Variants in P2RY12 observed in about 807,000 individuals in gnomAD.
P2RY12 encodes purinergic receptor P2Y12, also known as P2Y purinoceptor 12.
P2RY12 carries 3 observed loss-of-function variants against 4.5 expected under a neutral mutation model. The observed-to-expected ratio is 0.67, with a 90% CI of 0.31 to 1.74. The LOEUF is 1.74. Among genes scored for constraint, P2RY12 ranks in the 40% most tolerant of loss-of-function variants. The probability of loss-of-function intolerance (pLI) is 0.09; values close to 1 mark genes in which losing one functional copy is unlikely to be tolerated. For missense variants in P2RY12, 356 were observed against 407.8 expected, an observed-to-expected ratio of 0.87 and a Z score of 1.09; for synonymous variants, 148 against 154.1, an observed-to-expected ratio of 0.96 and a Z score of 0.29.
chr3:151,343,771 A>T (rs966012121), intron 1 of P2RY12, among the ~76,000 whole-genome samples: 15 of 152,024 alleles, frequency 9.9e-5, no homozygotes, highest in African/African-American at 3.6e-4. Context: ...TGTTTATTTT[A>T]CCAAGTCTAC....
At chr3:151,347,971 G>A (rs184455519) in intron 1 of P2RY12, among the ~76,000 whole-genome samples, 6 of 152,270 alleles carry the variant, frequency 3.9e-5, no homozygotes, top group East Asian at 1.9e-4. Flanking sequence ...GATCCTGTGC[G>A]ATGTGAGGAG....
intron 1 of P2RY12, among the ~76,000 whole-genome samples, chr3:151,342,620 T>C (rs1199882317): frequency 1.3e-5 from 2 of 152,220 alleles, no homozygotes; most frequent in Non-Finnish European, 2.9e-5. Flanking sequence ...ATAAGAATTT[T>C]GTTGCCATTT....
chr3:151,384,044 G>A, intron 1 of P2RY12: 1 of 1,587,348 alleles, frequency 6.3e-7, no homozygotes, highest in Non-Finnish European at 8.6e-7. Context: ...GTGTATTTCA[G>A]TTTCACTTTA....
rs1751694149 is a variant in P2RY12, at chr3:151,340,655, C to T, written c.-74G>A. ...TCCAGTAAGTAGTAGTTATTGCAAC[C>T]TGCAGAGTGGCATCTGGTATTTTCC... On this transcript the variant is annotated 5_prime_UTR_variant, in exon 2 of 3. Transcript: ENST00000302632. The T allele has an allele frequency of 6.6e-6, 1 of 152,586 alleles. No homozygotes were observed. The highest frequency in any genetic ancestry group is 1.5e-5 in the Non-Finnish European group (1 of 68,020). The allele number at this position is 152,586 out of a possible 1,614,324, so 9.5% of individuals were successfully genotyped here. A position where few individuals can be genotyped will look rare whatever the true frequency, so the allele number is the denominator to read the frequency against.
chr3:151,337,700 T>G lies in P2RY12; in HGVS notation c.*117A>C, dbSNP rs548138114. On this transcript the variant is annotated 3_prime_UTR_variant, in exon 3 of 3. Coordinates refer to ENST00000302632, the MANE Select transcript of P2RY12 (RefSeq NM_022788.5). ...AATTGCTTTTGTAATCTTCTGTTTCTTTAGAGTCATTATTATTAACTTAGT... is the reference window on the plus strand; with the variant it reads ...AATTGCTTTTGTAATCTTCTGTTTCGTTAGAGTCATTATTATTAACTTAGT... 422 of 1,033,618 alleles carry G rather than the reference T, an allele frequency of 4.1e-4. 1 individual carries two copies. The highest frequency in any genetic ancestry group is 5.8e-4 in the Non-Finnish European group (406 of 701,426). 64.0% of individuals were successfully genotyped at this position (1,033,618 alleles called of 1,614,324 possible). A position where few individuals can be genotyped will look rare whatever the true frequency, so the allele number is the denominator to read the frequency against.
At chr3:151,364,689 AG>A (rs1488241489) in intron 1 of P2RY12, among the ~76,000 whole-genome samples, 1 of 152,200 alleles carries the variant, frequency 6.6e-6, no homozygotes, top group African/African-American at 2.4e-5. Context: ...TGATTTTTAA[AG>A]CATGTAAAAT....
chr3:151,363,929 G>A (rs950642141), intron 1 of P2RY12, among the ~76,000 whole-genome samples: 7 of 152,072 alleles, frequency 4.6e-5, no homozygotes, highest in African/African-American at 1.7e-4. Context: ...TTAGAATAGA[G>A]AGTCTTTGTG....
At chr3:151,350,429 TATTTTATTA>T (rs1447237712) in intron 1 of P2RY12, among the ~76,000 whole-genome samples, 1 of 152,064 alleles carries the variant, frequency 6.6e-6, no homozygotes, top group African/African-American at 2.4e-5. Context: ...TATTAAATAT[TATTTTATTA>T]AAATATTGTA....
At chr3:151,350,958 A>G (rs1577404549) in intron 1 of P2RY12, among the ~76,000 whole-genome samples, 1 of 152,224 alleles carries the variant, frequency 6.6e-6, no homozygotes, top group African/African-American at 2.4e-5. Context: ...TTTTAAATAT[A>G]TAATTAGGTA....
At chr3:151,367,887 A>T in intron 1 of P2RY12, 1 of 1,129,374 alleles carries the variant, frequency 8.9e-7, no homozygotes, top group Non-Finnish European at 1.3e-6. Context: ...GTGGTGTAGT[A>T]TCAAGGTAGA....
chr3:151,365,868 T>C (rs769865448), intron 1 of P2RY12: 1 of 1,610,556 alleles, frequency 6.2e-7, no homozygotes, highest in Non-Finnish European at 8.5e-7. Flanking sequence ...ACATAGCCAA[T>C]TTCTCCTCTG....
At chr3:151,368,359 C>A in intron 1 of P2RY12, 1 of 925,622 alleles carries the variant, frequency 1.1e-6, no homozygotes, top group Non-Finnish European at 1.7e-6. Flanking sequence ...ATTTTTTGGG[C>A]ATGCCCTGGG....
At chr3:151,341,371 G>A (rs1751799679) in intron 1 of P2RY12, among the ~76,000 whole-genome samples, 1 of 151,956 alleles carries the variant, frequency 6.6e-6, no homozygotes, top group Non-Finnish European at 1.5e-5. Context: ...TGTCGTTCAT[G>A]CTTTTCTTGA....
At chr3:151,366,261 T>G (rs1158506053) in intron 1 of P2RY12, among the ~76,000 whole-genome samples, 1 of 152,198 alleles carries the variant, frequency 6.6e-6, no homozygotes, top group Non-Finnish European at 1.5e-5. Flanking sequence ...TAGTTGAGAT[T>G]TCTTCCATAT....
intron 2 of P2RY12, among the ~76,000 whole-genome samples, chr3:151,339,185 A>G (rs1308355099): frequency 1.3e-5 from 2 of 152,140 alleles, no homozygotes; most frequent in Non-Finnish European, 2.9e-5. Context: ...TGGAAGAGAA[A>G]TAATGGGGCT....
intron 1 of P2RY12, among the ~76,000 whole-genome samples, chr3:151,373,446 A>G (rs915272148): frequency 2.6e-5 from 4 of 152,030 alleles, no homozygotes; most frequent in African/African-American, 9.7e-5. Context: ...CTTTGAGGAG[A>G]TACTTCGAGA....
intron 1 of P2RY12, among the ~76,000 whole-genome samples, chr3:151,356,613 T>G (rs930634031): frequency 2.0e-5 from 3 of 152,006 alleles, no homozygotes. Context: ...GAGTTTTGAG[T>G]GTTTCTTCTG....
chr3:151,372,775 ATTTAATTTGCCT>A, intron 1 of P2RY12: 1 of 1,608,668 alleles, frequency 6.2e-7, no homozygotes, highest in South Asian at 1.1e-5. Flanking sequence ...AGGTATTCTA[ATTTAATTTGCCT>A]TTTACTTTGA....
At chr3:151,353,153 T>C (rs924870210) in intron 1 of P2RY12, among the ~76,000 whole-genome samples, 1 of 152,174 alleles carries the variant, frequency 6.6e-6, no homozygotes, top group Non-Finnish European at 1.5e-5. Flanking sequence ...CTTGGGAGTT[T>C]TTAGTAGGAT....
Sources: allele counts gnomAD v4.1 joint callset (sites outside exome capture counted in the v4.1 genomes callset), GRCh38; gene constraint gnomAD v4.1.1; transcripts MANE v1.5; gene names NCBI Gene and HGNC (gene_info 2026-07-23, HGNC 2026-07-21).